PAEP: variants seen among roughly 807,000 people sequenced by gnomAD.
PAEP encodes glycodelin.
Under a neutral mutation model 23.0 loss-of-function variants are expected in PAEP, and 28 were observed. That is an observed-to-expected ratio of 1.22 (90% CI 0.90 to 1.67). PAEP has a LOEUF of 1.67. Ranked by LOEUF, PAEP falls within the 40% of genes most tolerant of loss-of-function variation. The probability of loss-of-function intolerance (pLI) is 0.00; values close to 1 mark genes in which losing one functional copy is unlikely to be tolerated. For synonymous variants in PAEP, 103 were observed against 92.4 expected, an observed-to-expected ratio of 1.12 and a Z score of -0.66; for missense variants, 209 against 226.4, an observed-to-expected ratio of 0.92 and a Z score of 0.49.
intron 4 of PAEP, 22 bp from the exon 5 acceptor site, chr9:135,565,388 A>T: frequency 6.2e-7 from 1 of 1,602,306 alleles, no homozygotes; most frequent in Non-Finnish European, 8.6e-7. Context: ...GGGGCCCAGG[A>T]CTGACCCAGC....
chr9:135,562,465 G>C (rs199930378), intron 2 of PAEP, 32 bp downstream of exon 2: 1 of 1,605,028 alleles, frequency 6.2e-7, no homozygotes, highest in African/African-American at 1.3e-5. Flanking sequence ...CGGGCTGGGC[G>C]GGGGCTCAGT....
rs1462129489 is a variant in PAEP, at chr9:135,562,351, AC to A, written c.155del (p.Thr52AsnfsTer2). On this transcript the variant is annotated frameshift_variant, in exon 2 of 7. Transcript: ENST00000479141. LOFTEE classifies it high-confidence loss of function. ...GACCAACAACATCTCCCTCATGGCG[AC>A]ACTGAAGGCCCCTCTGAGGGTCCAC... ...MATNNISLMATLKAPLRVHIT... is the reference protein window; with the variant it reads ...MATNNISLMAXLKAPLRVHIT... 2 of 1,613,948 alleles carry A rather than the reference AC, an allele frequency of 1.2e-6. No individual in the cohort carries two copies. Among genetic ancestry groups the A allele is most frequent in the African/African-American group, 2.7e-5 (2 of 74,900 alleles).
chr9:135,562,185 C>A, intron 1 of PAEP, 109 bp from the exon 2 acceptor site: 2 of 1,252,398 alleles, frequency 1.6e-6, no homozygotes, highest in Non-Finnish European at 2.2e-6. Flanking sequence ...TAGCAGACAA[C>A]CATCCAATGC....
In PAEP at chr9:135,562,472, C is replaced by T. The variant is rs375814596; in HGVS notation, c.236+39C>T. On this transcript the variant is annotated intron_variant, in intron 2 of 6. Coordinates refer to ENST00000479141, the MANE Select transcript of PAEP (RefSeq NM_002571.4). The stretch of plus-strand genomic sequence containing the variant: ...CATTGAGACGGGCTGGGCGGGGGCT[C>T]AGTCTCCCCCCTCAGGGGTCCAGGA... 2.5e-6 allele frequency: 4 copies of T among 1,602,316 alleles called. No homozygotes were observed. The African/African-American group carries it at 4.0e-5, about 16-fold the overall frequency.
At chr9:135,562,463 G>T in intron 2 of PAEP, 30 bp downstream of exon 2, 4 of 1,607,284 alleles carry the variant, frequency 2.5e-6, no homozygotes, top group Non-Finnish European at 3.4e-6. Flanking sequence ...GACGGGCTGG[G>T]CGGGGGCTCA....
Position 135,565,955 on chromosome 9 carries a change from A to G in PAEP, c.*154A>G, listed in dbSNP as rs1214045254. ...TGGGGTCTGGTCTTGTGATTCCAGA[A>G]AGCCAGGCTGCTGACGTCCCCATTC... On this transcript the variant is annotated intron_variant, in intron 6 of 6. Coordinates refer to ENST00000479141, the MANE Select transcript of PAEP (RefSeq NM_002571.4). 5 of 836,410 alleles carry G rather than the reference A, an allele frequency of 6.0e-6. No individual in the cohort carries two copies. The Admixed American group carries it at 9.5e-5, about 16-fold the overall frequency. The allele number at this position is 836,410 out of a possible 1,614,324, so 51.8% of individuals were successfully genotyped here. A position where few individuals can be genotyped will look rare whatever the true frequency, so the allele number is the denominator to read the frequency against.
chr9:135,562,580 G>A, intron 2 of PAEP, 147 bp downstream of exon 2: 2 of 1,127,226 alleles, frequency 1.8e-6, no homozygotes, highest in African/African-American at 1.5e-5. Flanking sequence ...CCATGAGGGT[G>A]GGGTGGAAAA....
chr9:135,566,279 C>T (rs1832575077), intron 6 of PAEP: 1 of 159,012 alleles, frequency 6.3e-6, no homozygotes, highest in Admixed American at 6.0e-5. Flanking sequence ...AAGCGATTCT[C>T]CTGCCTCAAC....
intron 3 of PAEP, among the ~76,000 whole-genome samples, chr9:135,563,969 A>C (rs1480771890): frequency 6.6e-6 from 1 of 151,942 alleles, no homozygotes; most frequent in Non-Finnish European, 1.5e-5. Flanking sequence ...TCTCAGTTGG[A>C]GTCTCTCCAG....
At position 135,562,748 on chromosome 9, in the gene PAEP, C is replaced by G. The variant is rs547539291; in HGVS notation, c.237-72C>G. 8.9e-4 allele frequency: 1,161 copies of G among 1,301,906 alleles called. 7 individuals are homozygous for G. The highest frequency in any genetic ancestry group is 1.4e-3 in the South Asian group (109 of 80,058). 80.6% of individuals were successfully genotyped at this position (1,301,906 alleles called of 1,614,324 possible). ...GACCCGGGGAAGTTCCCGTGGTGAC[C>G]TGATTTTAGGAGTGACAGTGAAGGC... On this transcript the variant is annotated intron_variant, in intron 2 of 6. Coordinates refer to ENST00000479141, the MANE Select transcript of PAEP (RefSeq NM_002571.4).
intron 3 of PAEP, 191 bp downstream of exon 3, chr9:135,563,084 G>A (rs1832387825): frequency 1.7e-6 from 1 of 588,904 alleles, no homozygotes; most frequent in African/African-American, 1.9e-5. Flanking sequence ...TGGAGGGCAG[G>A]GGAAGCACTA....
At chr9:135,562,961 C>A in intron 3 of PAEP, 68 bp downstream of exon 3, 1 of 1,272,930 alleles carries the variant, frequency 7.9e-7, no homozygotes, top group Non-Finnish European at 1.1e-6. Flanking sequence ...CCAGAGGCGG[C>A]TCTGCTGGGG....
Position 135,561,808 on chromosome 9 carries a change from T to C in PAEP, c.7T>C (p.Cys3Arg), listed in dbSNP as rs1461527722. 1 of 1,552,168 alleles carries C rather than the reference T, an allele frequency of 6.4e-7. No homozygotes were observed. Among genetic ancestry groups the C allele is most frequent in the Admixed American group, 1.9e-5 (1 of 51,488 alleles). The change falls in exon 1 of 7, where the codon TGC (cysteine) becomes CGC (arginine). Residue 3 changes from cysteine to arginine, a missense_variant. Transcript: ENST00000479141. ...GCCACCCACAGCCGCAGCCATGCTG[T>C]GCCTCCTGCTCACCCTGGGCGTGGC... ML[C>R]LLLTLGVALV...
chr9:135,565,473 C>T lies in PAEP; in HGVS notation c.485C>T (p.Pro162Leu), dbSNP rs776711925. 9 of 1,614,052 alleles carry T rather than the reference C, an allele frequency of 5.6e-6. No individual in the cohort carries two copies. The highest frequency in any genetic ancestry group is 6.8e-6 in the Non-Finnish European group (8 of 1,180,022). The change falls in exon 5 of 7, where the codon CCC becomes CTC. Residue 162 changes from proline to leucine, a missense_variant. Transcript: ENST00000479141. Reference protein sequence around the residue: ...QGFIRAFRPLPRHLWYLLDLK... With the variant: ...QGFIRAFRPLLRHLWYLLDLK... ...TTCATCAGGGCTTTCAGGCCCCTGCCCAGGCACCTATGGTACTTGCTGGAC... is the reference window on the plus strand; with the variant it reads ...TTCATCAGGGCTTTCAGGCCCCTGCTCAGGCACCTATGGTACTTGCTGGAC...
intron 2 of PAEP, 101 bp downstream of exon 2, chr9:135,562,534 C>T: frequency 1.4e-6 from 2 of 1,402,744 alleles, no homozygotes; most frequent in Non-Finnish European, 1.9e-6. Context: ...TAGCCCCAGG[C>T]ATTTTCTGAC....
chr9:135,563,672 C>T (rs976377332), intron 3 of PAEP, among the ~76,000 whole-genome samples: 2 of 152,108 alleles, frequency 1.3e-5, no homozygotes, highest in East Asian at 1.9e-4. Flanking sequence ...TGTCCTTGGT[C>T]CACTGAATTC....
chr9:135,564,485 G>GT (rs1263721185), intron 4 of PAEP, 131 bp downstream of exon 4: 18 of 1,456,114 alleles, frequency 1.2e-5, no homozygotes, highest in Admixed American at 5.7e-5. Flanking sequence ...TTTTTTCTTG[G>GT]TTTTTTTTAT....
In PAEP at chr9:135,562,456, G is replaced by A. The variant is rs374152409; in HGVS notation, c.236+23G>A. 9.6e-5 allele frequency: 155 copies of A among 1,608,558 alleles called. No homozygotes were observed. The African/African-American group carries it at 1.3e-3, about 13-fold the overall frequency. Reference sequence around the variant, plus strand: ...ATGGTGGGTTTCTCATCATTGAGACGGGCTGGGCGGGGGCTCAGTCTCCCC... The same window carrying A: ...ATGGTGGGTTTCTCATCATTGAGACAGGCTGGGCGGGGGCTCAGTCTCCCC... On this transcript the variant is annotated intron_variant, in intron 2 of 6. Coordinates refer to ENST00000479141, the MANE Select transcript of PAEP (RefSeq NM_002571.4).
intron 6 of PAEP, chr9:135,566,144 A>C (rs1588176751): frequency 3.4e-6 from 1 of 294,662 alleles, no homozygotes; most frequent in Non-Finnish European, 6.3e-6. Context: ...GAAGCTGGGG[A>C]CCTGCAGGTC....
Sources: allele counts gnomAD v4.1 joint callset (sites outside exome capture counted in the v4.1 genomes callset), GRCh38; gene constraint gnomAD v4.1.1; transcripts MANE v1.5; gene names NCBI Gene and HGNC (gene_info 2026-07-23, HGNC 2026-07-21).